ZNF254: variants seen among roughly 807,000 people sequenced by gnomAD.
The protein encoded by ZNF254 is zinc finger protein 254, also known as CTD-2017D11.1.
In ZNF254, 10 loss-of-function variants were observed where a neutral mutation model predicts 12.4. The ratio of observed to expected loss-of-function variants is 0.80; its 90% confidence interval spans 0.50 to 1.36. ZNF254 has a LOEUF of 1.36. Ranked by LOEUF, ZNF254 falls within the 40% of genes most tolerant of loss-of-function variation. The pLI is 0.00. For missense variants in ZNF254, 996 were observed against 763.9 expected (o/e 1.30, Z -3.58); for synonymous variants, 305 against 253.4 (o/e 1.20, Z -1.93).
At chr19:24,065,299 CTCT>C (rs1238880716) in intron 2 of ZNF254, among the ~76,000 whole-genome samples, 2 of 152,214 alleles carry the variant, frequency 1.3e-5, no homozygotes, top group Admixed American at 1.3e-4. Context: ...GGTGATCATA[CTCT>C]TCTTCCTATG....
chr19:24,077,487 C>T (rs1446772281), intron 2 of ZNF254, among the ~76,000 whole-genome samples: 2 of 152,346 alleles, frequency 1.3e-5, no homozygotes, highest in Middle Eastern at 3.4e-3. Context: ...ACTCTGGTTT[C>T]TTGATAGCAA....
At chr19:24,123,406 T>G (rs960164200) in intron 3 of ZNF254, among the ~76,000 whole-genome samples, 3 of 152,226 alleles carry the variant, frequency 2.0e-5, no homozygotes, top group Admixed American at 2.0e-4. Context: ...TCTCCATAAC[T>G]CTGTTTGGAA....
At chr19:24,040,871 A>T (rs886116208) in intron 1 of ZNF254, among the ~76,000 whole-genome samples, 1 of 152,232 alleles carries the variant, frequency 6.6e-6, no homozygotes, top group African/African-American at 2.4e-5. Context: ...TTGTGTTGCA[A>T]TAAAGGTATT....
At position 24,129,795 on chromosome 19, in the gene ZNF254, C is replaced by T. The variant is rs1349462636; in HGVS notation, c.*1815C>T. 1 of 151,798 alleles carries T rather than the reference C, an allele frequency of 6.6e-6. No individual in the cohort carries two copies. Among genetic ancestry groups the T allele is most frequent in the East Asian group, 1.9e-4 (1 of 5,184 alleles). 9.4% of individuals were successfully genotyped at this position (151,798 alleles called of 1,614,324 possible). ...TATGGTCATAATAAAAAATTTTATA[C>T]AAACGTGTAAAATCTATACATTTCT... is the stretch of plus-strand genomic sequence containing the variant. On this transcript the variant is annotated 3_prime_UTR_variant, in exon 4 of 4. Coordinates refer to ENST00000357002, the MANE Select transcript of ZNF254 (RefSeq NM_203282.4).
intron 3 of ZNF254, chr19:24,107,163 C>CT: frequency 1.7e-6 from 1 of 593,908 alleles, no homozygotes; most frequent in South Asian, 2.1e-5. Flanking sequence ...GTTCTTTTTC[C>CT]TCAAGATTGC....
At chr19:24,101,176 T>G (rs1231084664) in intron 1 of ZNF254, among the ~76,000 whole-genome samples, 1 of 152,120 alleles carries the variant, frequency 6.6e-6, no homozygotes, top group Non-Finnish European at 1.5e-5. Flanking sequence ...AAAATATTAT[T>G]TAGAATTTTC....
intron 1 of ZNF254, among the ~76,000 whole-genome samples, chr19:24,034,488 GTTTTTTTTTTTT>G (rs963358053): frequency 1.9e-5 from 2 of 107,332 alleles, no homozygotes; most frequent in Non-Finnish European, 3.6e-5. Flanking sequence ...AGGTAAGTGG[GTTTTTTTTTTTT>G]TTTTTTTTTT....
At chr19:24,079,883 G>A (rs1261703895) in intron 2 of ZNF254, 1 of 152,166 alleles carries the variant, frequency 6.6e-6, no homozygotes, top group Non-Finnish European at 1.5e-5. Flanking sequence ...AGAAATGTAT[G>A]AAAAAACCTG....
chr19:24,129,727 G>A lies in ZNF254; in HGVS notation c.*1747G>A, dbSNP rs1975113699. 6.6e-6 allele frequency: 1 copy of A among 151,618 alleles called. No homozygotes were observed. The highest frequency in any genetic ancestry group is 2.1e-4 in the South Asian group (1 of 4,818). 9.4% of individuals were successfully genotyped at this position (151,618 alleles called of 1,614,324 possible). Reference sequence around the variant, plus strand: ...CAAGCAATTCAATTGTACACTTTTAGTTATTTTTAAATTTACAATGTTATT... The same window carrying A: ...CAAGCAATTCAATTGTACACTTTTAATTATTTTTAAATTTACAATGTTATT... On this transcript the variant is annotated 3_prime_UTR_variant, in exon 4 of 4. Coordinates refer to ENST00000357002, the MANE Select transcript of ZNF254 (RefSeq NM_203282.4).
chr19:24,033,692 C>A, intron 1 of ZNF254: 1 of 298,146 alleles, frequency 3.4e-6, no homozygotes. Flanking sequence ...GCCTTCGTCA[C>A]CGCTCCCGGG....
chr19:24,119,655 GT>G (rs1248275896), intron 3 of ZNF254, among the ~76,000 whole-genome samples: 1 of 151,980 alleles, frequency 6.6e-6, no homozygotes, highest in Non-Finnish European at 1.5e-5. Context: ...TGTCCTCCCA[GT>G]TTTTTTGTAT....
chr19:24,100,244 A>G (rs1049336427), intron 1 of ZNF254, among the ~76,000 whole-genome samples: 3 of 151,440 alleles, frequency 2.0e-5, no homozygotes, highest in Non-Finnish European at 1.5e-5. Context: ...GTGTGCATTG[A>G]GTAGACATGG....
chr19:24,098,448 C>T (rs2145736794), intron 1 of ZNF254: 1 of 152,210 alleles, frequency 6.6e-6, no homozygotes, highest in South Asian at 2.1e-4. Flanking sequence ...TGTAAGTTGT[C>T]AAATATATTT....
chr19:24,050,479 G>A (rs138883529), intron 2 of ZNF254, among the ~76,000 whole-genome samples: 218 of 152,266 alleles, frequency 1.4e-3, no homozygotes, highest in African/African-American at 4.9e-3. Context: ...TATTTTATGT[G>A]ACTCTTCTCT....
At chr19:24,123,604 A>T (rs917231832) in intron 3 of ZNF254, among the ~76,000 whole-genome samples, 1 of 152,212 alleles carries the variant, frequency 6.6e-6, no homozygotes, top group African/African-American at 2.4e-5. Flanking sequence ...ACACACACAC[A>T]CCTGCGTGCG....
In ZNF254 at chr19:24,126,909, T is replaced by C. The variant is rs905776858; in HGVS notation, c.909T>C (p.Phe303=). The part of the protein sequence containing the change: ...PYKCEECGKA[F]IWSSTLTEHK... ...AGTGTGAAGAATGTGGCAAAGCATT[T>C]ATCTGGTCCTCAACCCTTACTGAGC... is the stretch of plus-strand genomic sequence containing the variant. Residue 303 remains phenylalanine, a synonymous_variant, in exon 4 of 4, where the codon TTT becomes TTC. Transcript: ENST00000357002. The C allele has an allele frequency of 2.4e-5, 38 of 1,613,518 alleles. No homozygotes were observed. Among genetic ancestry groups the C allele is most frequent in the Non-Finnish European group, 3.2e-5 (38 of 1,179,792 alleles).
At chr19:24,046,519 G>T (rs1970396954) in intron 2 of ZNF254, among the ~76,000 whole-genome samples, 1 of 151,420 alleles carries the variant, frequency 6.6e-6, no homozygotes, top group Non-Finnish European at 1.5e-5. Context: ...TACTTCCTGG[G>T]CTATCAAAAC....
intron 1 of ZNF254, among the ~76,000 whole-genome samples, chr19:24,091,192 G>A (rs185366599): frequency 1.5e-4 from 23 of 151,696 alleles, no homozygotes; most frequent in Non-Finnish European, 2.4e-4. Context: ...TGATCCGCCC[G>A]CCTGGGCCTC....
intron 3 of ZNF254, among the ~76,000 whole-genome samples, chr19:24,117,269 C>CTTT (rs1974148117): frequency 6.6e-6 from 1 of 152,148 alleles, no homozygotes; most frequent in Admixed American, 6.5e-5. Flanking sequence ...TTACTGCTGT[C>CTTT]TTGTTTGTCT....
Sources: gnomAD v4.1 joint callset for allele counts (sites outside exome capture counted in the v4.1 genomes callset) on GRCh38, gnomAD v4.1.1 for gene constraint, MANE v1.5 for transcripts, NCBI Gene and HGNC (gene_info 2026-07-23, HGNC 2026-07-21) for gene names.